PRKD2: variants seen among roughly 807,000 people sequenced by gnomAD.
PRKD2 encodes serine/threonine-protein kinase D2.
Under a neutral mutation model 86.0 loss-of-function variants are expected in PRKD2, and 22 were observed. The observed-to-expected ratio is 0.26, with a 90% confidence interval of 0.18 to 0.37. The LOEUF is 0.37. PRKD2 is among the 10% of genes least tolerant of loss of function. The pLI, the probability that PRKD2 is intolerant of heterozygous loss-of-function variation, is 1.00. For synonymous variants in PRKD2, 509 were observed against 510.9 expected (o/e 1.00, Z 0.05); for missense variants, 818 against 1,199.2 (o/e 0.68, Z 4.70).
chr19:46,709,612 C>T (rs552812283), intron 3 of PRKD2, among the ~76,000 whole-genome samples: 46 of 152,264 alleles, frequency 3.0e-4, no homozygotes, highest in Non-Finnish European at 5.6e-4. Context: ...TCACCTGCCT[C>T]GGCCTCCCAG....
intron 9 of PRKD2, among the ~76,000 whole-genome samples, chr19:46,695,808 G>A (rs955884824): frequency 6.6e-6 from 1 of 152,090 alleles, no homozygotes; most frequent in Non-Finnish European, 1.5e-5. Context: ...GGACACGTCG[G>A]GGGGGCATGG....
chr19:46,716,336 G>A lies in PRKD2; in HGVS notation c.35C>T (p.Pro12Leu). The part of the protein sequence containing the change: ...ATAPSYPAGL[P>L]GSPGPGSPPP... ...AGGAGACCCCGGCCCGGGAGAGCCAGGGAGCCCGGCGGGATAAGAGGGGGC... is the reference window on the plus strand; with the variant it reads ...AGGAGACCCCGGCCCGGGAGAGCCAAGGAGCCCGGCGGGATAAGAGGGGGC... The change falls in exon 1 of 18, where the codon CCT (proline) becomes CTT (leucine). Residue 12 changes from proline (P) to leucine (L), a missense_variant. By Grantham distance (98) the Pro-to-Leu change is moderately conservative (BLOSUM62 -3). Around this residue, in one of 5 missense-constraint regions of PRKD2, gnomAD observed 403 missense variants for 518.6 expected, o/e 0.78. Transcript: ENST00000291281. This position sits in a 1 kb window ranked among gnomAD's most constrained non-coding sequence, Gnocchi z 7.9. The A allele has an allele frequency of 1.3e-6, 2 of 1,482,954 alleles. No individual in the cohort carries two copies. The highest frequency in any genetic ancestry group is 8.9e-7 in the Non-Finnish European group (1 of 1,119,660). The allele number at this position is 1,482,954 out of a possible 1,614,324, so 91.9% of individuals were successfully genotyped here. A position where few individuals can be genotyped will look rare whatever the true frequency, so the allele number is the denominator to read the frequency against.
At chr19:46,705,824 A>G (rs1315254372) in intron 3 of PRKD2, among the ~76,000 whole-genome samples, 1 of 151,268 alleles carries the variant, frequency 6.6e-6, no homozygotes, top group Non-Finnish European at 1.5e-5. Context: ...ACTCAGGTCC[A>G]TTGTACCATA....
Position 46,716,620 on chromosome 19 carries a change from G to C in PRKD2, c.-250C>G. 2.7e-6 allele frequency: 1 copy of C among 369,346 alleles called. No homozygotes were observed. The highest frequency in any genetic ancestry group is 4.8e-6 in the Non-Finnish European group (1 of 206,842). 22.9% of individuals were successfully genotyped at this position (369,346 alleles called of 1,614,324 possible). A position where few individuals can be genotyped will look rare whatever the true frequency, so the allele number is the denominator to read the frequency against. On this transcript the variant is annotated 5_prime_UTR_variant, in exon 1 of 18. Transcript: ENST00000291281. This position sits in a 1 kb window ranked among gnomAD's most constrained non-coding sequence, Gnocchi z 7.9. ...AGATCAGAAAGGAGAAAAGTAGTGG[G>C]TTGGAGGTCCCAGCGATTGAGATTC...
chr19:46,716,555 A>G lies in PRKD2; in HGVS notation c.-185T>C, dbSNP rs2122194065. The G allele has an allele frequency of 2.2e-6, 1 of 460,714 alleles. No homozygotes were observed. The highest frequency in any genetic ancestry group is 3.6e-5 in the East Asian group (1 of 28,086). 28.5% of individuals were successfully genotyped at this position (460,714 alleles called of 1,614,324 possible). A position where few individuals can be genotyped will look rare whatever the true frequency, so the allele number is the denominator to read the frequency against. ...GGGGTCCTGGGAAGGAGAGAAAGGC[A>G]CTATAGTGGGTCAGAGGCCCGGAAT... On this transcript the variant is annotated 5_prime_UTR_variant, in exon 1 of 18. Coordinates refer to ENST00000291281, the MANE Select transcript of PRKD2 (RefSeq NM_016457.5). The surrounding 1 kb of genome is among the most constrained non-coding windows in gnomAD (Gnocchi z 7.9).
At chr19:46,690,792 C>A in intron 12 of PRKD2, 86 bp from the exon 13 acceptor site, 1 of 1,230,980 alleles carries the variant, frequency 8.1e-7, no homozygotes. Flanking sequence ...CCAACCTCTG[C>A]CCCCCACCAT....
chr19:46,681,019 T>A (rs1256700268), intron 15 of PRKD2, among the ~76,000 whole-genome samples: 4 of 146,348 alleles, frequency 2.7e-5, no homozygotes, highest in African/African-American at 1.0e-4. Flanking sequence ...AGTGGCGTGA[T>A]CTCGGCTAAC....
chr19:46,701,353 G>A (rs1429328306), intron 5 of PRKD2, among the ~76,000 whole-genome samples: 1 of 151,608 alleles, frequency 6.6e-6, no homozygotes, highest in Non-Finnish European at 1.5e-5. Flanking sequence ...GGGTGCAGTG[G>A]CTCCCGCCTG....
Position 46,704,581 on chromosome 19 carries a change from G to A in PRKD2, c.580C>T (p.Arg194Trp), listed in dbSNP as rs1433688868. Residue 194 changes from arginine to tryptophan, a missense_variant, in exon 4 of 18, where the codon CGG becomes TGG. Physicochemically the swap from Arg to Trp is moderately radical, Grantham distance 101. Transcript: ENST00000291281. Reference sequence around the variant, plus strand: ...GCCAGAGACGTGGATGACAGGCGCCGTTTGCGGGCCCCACTACAGTTGTTG... The same window carrying A: ...GCCAGAGACGTGGATGACAGGCGCCATTTGCGGGCCCCACTACAGTTGTTG... ...IPNNCSGARK[R>W]RLSSTSLASG... The A allele has an allele frequency of 1.9e-6, 3 of 1,614,066 alleles. No individual in the cohort carries two copies. Among genetic ancestry groups the A allele is most frequent in the Non-Finnish European group, 2.5e-6 (3 of 1,179,980 alleles).
intron 14 of PRKD2, among the ~76,000 whole-genome samples, chr19:46,688,559 C>T (rs2053435077): frequency 6.6e-6 from 1 of 151,628 alleles, no homozygotes; most frequent in South Asian, 2.1e-4. Context: ...GCCTCAGCCT[C>T]CCAAGTAGCT....
At position 46,713,906 on chromosome 19, in the gene PRKD2, G is replaced by C. The variant is rs2053845249; in HGVS notation, c.336C>G (p.Ser112=). The C allele has an allele frequency of 6.3e-7, 1 of 1,576,030 alleles. No individual in the cohort carries two copies. The highest frequency in any genetic ancestry group is 8.6e-7 in the Non-Finnish European group (1 of 1,156,528). Residue 112 remains serine (S), a synonymous_variant, in exon 2 of 18, where the codon TCC becomes TCG. Transcript: ENST00000291281. Reference sequence around the variant, plus strand: ...CCAGGTCGCCCTCCTGGATGTCTCCGGACGAGCGCACCAGCTGCAGGAGGT... The same window carrying C: ...CCAGGTCGCCCTCCTGGATGTCTCCCGACGAGCGCACCAGCTGCAGGAGGT... ...SANLLQLVRS[S]GDIQEGDLVE...
At chr19:46,703,993 A>ACACACACACACACACACACACACAC (rs1568732338) in intron 5 of PRKD2, among the ~76,000 whole-genome samples, 176 bp downstream of exon 5, 8 of 149,420 alleles carry the variant, frequency 5.4e-5, no homozygotes, top group Admixed American at 1.3e-4. Flanking sequence ...ACACACACAC[A>ACACACACACACACACACACACACAC]ACTGAGGTTC....
At chr19:46,681,820 C>T in intron 14 of PRKD2, 72 bp from the exon 15 acceptor site, 2 of 915,916 alleles carry the variant, frequency 2.2e-6, no homozygotes, top group East Asian at 2.5e-5. Context: ...CAGCAGCCAG[C>T]CCTCCAAACC....
In PRKD2 at chr19:46,693,808, A is replaced by G; in HGVS notation, c.1576+67T>C. The G allele has an allele frequency of 6.6e-7, 1 of 1,512,756 alleles. No homozygotes were observed. The allele number at this position is 1,512,756 out of a possible 1,614,324, so 93.7% of individuals were successfully genotyped here. On this transcript the variant is annotated intron_variant, in intron 10 of 17. Transcript: ENST00000291281. This position sits in a 1 kb window ranked among gnomAD's most constrained non-coding sequence, Gnocchi z 4.5. The stretch of plus-strand genomic sequence containing the variant: ...GCCCACTTTCCTCTTTGGCCCTTCC[A>G]TTCCCCAGAACCGTGCCCCACCCAT...
Position 46,716,820 on chromosome 19 carries a change from G to A in PRKD2, c.-450C>T, listed in dbSNP as rs1391410824. 1 of 153,920 alleles carries A rather than the reference G, an allele frequency of 6.5e-6. No homozygotes were observed. Among genetic ancestry groups the A allele is most frequent in the Non-Finnish European group, 1.4e-5 (1 of 69,334 alleles). The allele number at this position is 153,920 out of a possible 1,614,324, so 9.5% of individuals were successfully genotyped here. A position where few individuals can be genotyped will look rare whatever the true frequency, so the allele number is the denominator to read the frequency against. On this transcript the variant is annotated 5_prime_UTR_variant, in exon 1 of 18. Coordinates refer to ENST00000291281, the MANE Select transcript of PRKD2 (RefSeq NM_016457.5). The surrounding 1 kb of genome is among the most constrained non-coding windows in gnomAD (Gnocchi z 7.9). ...GGCGGCCCGGGGGAATTCACCTTGG[G>A]GGTGGAGGGCAGGAGTCTCTGAGTC...
intron 15 of PRKD2, among the ~76,000 whole-genome samples, chr19:46,680,180 A>T (rs1568713968): frequency 6.6e-6 from 1 of 152,040 alleles, no homozygotes; most frequent in Non-Finnish European, 1.5e-5. Context: ...CCTGAATCTC[A>T]ATGTGACAGC....
chr19:46,700,228 C>A (rs779304072), intron 7 of PRKD2, among the ~76,000 whole-genome samples: 1 of 151,866 alleles, frequency 6.6e-6, no homozygotes, highest in African/African-American at 2.4e-5. Flanking sequence ...AAGAGCGAAA[C>A]GCCGTCTAAA....
rs139399000 is a variant in PRKD2 at position 46,701,184 on chromosome 19, C to A, written c.890-72G>T. 4.7e-6 allele frequency: 7 copies of A among 1,487,902 alleles called. No individual in the cohort carries two copies. The African/African-American group carries it at 8.3e-5, about 18-fold the overall frequency. The allele number at this position is 1,487,902 out of a possible 1,614,324, so 92.2% of individuals were successfully genotyped here. A position where few individuals can be genotyped will look rare whatever the true frequency, so the allele number is the denominator to read the frequency against. On this transcript the variant is annotated intron_variant, in intron 5 of 17. Coordinates refer to ENST00000291281, the MANE Select transcript of PRKD2 (RefSeq NM_016457.5). ...TTACCTGGAAGGCTTGAACCTTGAC[C>A]CTAAGCCTCAGGCTCAAAAGAGTCT...
In PRKD2 at chr19:46,694,260, G is replaced by A; in HGVS notation, c.1318-127C>T. On this transcript the variant is annotated intron_variant, in intron 9 of 17. Coordinates refer to ENST00000291281, the MANE Select transcript of PRKD2 (RefSeq NM_016457.5). ...CCTGGTTTGCACAGTGGTCAGACAAGTTCCCAGTAATTCTAAGCCTGTTCT... is the reference window on the plus strand; with the variant it reads ...CCTGGTTTGCACAGTGGTCAGACAAATTCCCAGTAATTCTAAGCCTGTTCT... 6 of 1,263,296 alleles carry A rather than the reference G, an allele frequency of 4.7e-6. No individual in the cohort carries two copies. In the South Asian group the frequency reaches 9.0e-5, roughly 19 times the overall value. 78.3% of individuals were successfully genotyped at this position (1,263,296 alleles called of 1,614,324 possible).
Sources: allele counts gnomAD v4.1 joint callset (sites outside exome capture counted in the v4.1 genomes callset), GRCh38; gene constraint gnomAD v4.1.1; regional missense constraint gnomAD v4.1.1; non-coding constraint Gnocchi (gnomAD v3.1); transcripts MANE v1.5; gene names NCBI Gene and HGNC (gene_info 2026-07-23, HGNC 2026-07-21).